Variants in PTPRQ observed in about 807,000 individuals in gnomAD.
PTPRQ encodes protein tyrosine phosphatase receptor type Q.
Under a neutral mutation model 246.0 loss-of-function variants are expected in PTPRQ, and 199 were observed. The ratio of observed to expected loss-of-function variants is 0.81; its 90% CI spans 0.72 to 0.91. The LOEUF (loss-of-function observed/expected upper bound fraction) is 0.91. Ranked by LOEUF, PTPRQ falls within the 40% of genes least tolerant of loss-of-function variation. PTPRQ has a pLI of 0.00. For synonymous variants in PTPRQ, 869 were observed against 853.2 expected (o/e 1.02, Z -0.32); for missense variants, 2,624 against 2,528.4 (o/e 1.04, Z -0.81).
Position 80,585,513 on chromosome 12 carries a change from G to A in PTPRQ, c.4286-2616G>A, listed in dbSNP as rs988354395. On this transcript the variant is annotated intron_variant, in intron 25 of 44. Coordinates refer to ENST00000644991, the MANE Select transcript of PTPRQ (RefSeq NM_001145026.2). Reference sequence around the variant, plus strand: ...GTAGCTAGAGTGATTCTGTGAAAGAGAGAGCCTGCCACTTCTCTGCTCAAA... The same window carrying A: ...GTAGCTAGAGTGATTCTGTGAAAGAAAGAGCCTGCCACTTCTCTGCTCAAA... 7.2e-5 allele frequency among the ~76,000 whole-genome samples: 11 copies of A among 152,082 alleles called. 1 individual carries two copies. Among genetic ancestry groups the A allele is most frequent in the African/African-American group, 2.7e-4 (11 of 41,364 alleles).
At chr12:80,600,907 A>G (rs973798402) in intron 26 of PTPRQ, among the ~76,000 whole-genome samples, 5 of 151,650 alleles carry the variant, frequency 3.3e-5, no homozygotes, top group African/African-American at 1.2e-4. Flanking sequence ...TCTCATTCCA[A>G]CTCAACTGGG....
intron 6 of PTPRQ, chr12:80,465,292 A>G (rs983714187): frequency 6.6e-6 from 1 of 152,268 alleles, no homozygotes; most frequent in Non-Finnish European, 1.5e-5. Flanking sequence ...ACACCCTCCC[A>G]AGACTAAACC....
chr12:80,620,494 T>C, intron 32 of PTPRQ, 118 bp downstream of exon 32: 1 of 1,394,896 alleles, frequency 7.2e-7, no homozygotes, highest in Non-Finnish European at 9.6e-7. Context: ...CCACGTATAG[T>C]GACCTGATTT....
At chr12:80,651,870 T>C (rs1394296715) in intron 37 of PTPRQ, among the ~76,000 whole-genome samples, 1 of 152,048 alleles carries the variant, frequency 6.6e-6, no homozygotes, top group African/African-American at 2.4e-5. Flanking sequence ...ACACCATTCC[T>C]GTCCCTTAAT....
intron 7 of PTPRQ, among the ~76,000 whole-genome samples, chr12:80,471,589 T>C (rs373735020): frequency 1.5e-5 from 1 of 65,200 alleles, no homozygotes; most frequent in East Asian, 3.7e-4. Context: ...GCCATTCTCC[T>C]GCCTCAGCCT....
At chr12:80,599,572 G>A (rs1414302184) in intron 26 of PTPRQ, among the ~76,000 whole-genome samples, 2 of 151,800 alleles carry the variant, frequency 1.3e-5, no homozygotes, top group Non-Finnish European at 2.9e-5. Flanking sequence ...CCACCCTTAT[G>A]TGACACTAGT....
At chr12:80,663,966 T>G (rs924703088) in intron 39 of PTPRQ, among the ~76,000 whole-genome samples, 1 of 152,040 alleles carries the variant, frequency 6.6e-6, no homozygotes, top group Admixed American at 6.6e-5. Context: ...CTTGCTCAGC[T>G]TGAACTGCAT....
intron 38 of PTPRQ, among the ~76,000 whole-genome samples, chr12:80,654,046 T>C (rs575541349): frequency 6.8e-6 from 1 of 147,670 alleles, no homozygotes; most frequent in South Asian, 2.1e-4. Context: ...TTTTCTTTCT[T>C]TCTTTTCTTT....
At chr12:80,477,834 C>G (rs980087493) in intron 8 of PTPRQ, among the ~76,000 whole-genome samples, 4 of 152,182 alleles carry the variant, frequency 2.6e-5, no homozygotes, top group Non-Finnish European at 4.4e-5. Flanking sequence ...GCTTAAAAAA[C>G]GGCGCACCAC....
chr12:80,636,069 A>G (rs1750208767), intron 35 of PTPRQ, among the ~76,000 whole-genome samples: 1 of 152,198 alleles, frequency 6.6e-6, no homozygotes, highest in Admixed American at 6.5e-5. Context: ...GTGTCATCTG[A>G]TAAGCAAAGT....
rs1900894928 is a variant in PTPRQ, at chr12:80,669,397, T to C, written c.6386T>C (p.Ile2129Thr). The change falls in exon 41 of 45, where the codon ATA becomes ACA. Residue 2129 changes from isoleucine (I) to threonine (T), a missense_variant. Transcript: ENST00000644991. ...DNKPVTVFGD[I>T]VITKLMEDVQ... ...AAGCCAGTTACTGTCTTTGGAGATATAGTGATTACAAAGCTAATGGAGGAT... is the reference window on the plus strand; with the variant it reads ...AAGCCAGTTACTGTCTTTGGAGATACAGTGATTACAAAGCTAATGGAGGAT... 2 of 1,549,912 alleles carry C rather than the reference T, an allele frequency of 1.3e-6. No homozygotes were observed. Among genetic ancestry groups the C allele is most frequent in the Non-Finnish European group, 8.7e-7 (1 of 1,146,028 alleles).
chr12:80,641,894 T>G (rs1899872541), intron 35 of PTPRQ, among the ~76,000 whole-genome samples: 1 of 151,736 alleles, frequency 6.6e-6, no homozygotes, highest in Non-Finnish European at 1.5e-5. Context: ...GCTCTCTCTC[T>G]CTCGCTCTCT....
At chr12:80,487,354 T>C (rs1314562898) in intron 9 of PTPRQ, among the ~76,000 whole-genome samples, 1 of 152,072 alleles carries the variant, frequency 6.6e-6, no homozygotes, top group African/African-American at 2.4e-5. Context: ...AGGGCACCCA[T>C]AAGGTCTGTC....
At position 80,619,366 on chromosome 12, in the gene PTPRQ, T is replaced by C; in HGVS notation, c.5231-18T>C. 1 of 1,544,374 alleles carries C rather than the reference T, an allele frequency of 6.5e-7. No individual in the cohort carries two copies. Among genetic ancestry groups the C allele is most frequent in the Non-Finnish European group, 8.7e-7 (1 of 1,142,926 alleles). On this transcript the variant is annotated intron_variant, in intron 30 of 44. Coordinates refer to ENST00000644991, the MANE Select transcript of PTPRQ (RefSeq NM_001145026.2). The stretch of plus-strand genomic sequence containing the variant: ...AACAATAACATCAATTGCAGTGATA[T>C]TTCTTCTTTGTTTATAGCTCCAGCA...
rs367714795 is a variant in PTPRQ, at chr12:80,460,088, C to A, written c.661-565C>A. On this transcript the variant is annotated intron_variant, in intron 5 of 44. Transcript: ENST00000644991. ...ATATGATAAGCATAATAATGCTTTT[C>A]CTAAAATCATTTTGGTAATCTCTGT... Among the ~76,000 whole-genome samples the A allele has an allele frequency of 4.6e-5, 7 of 152,116 alleles. No individual in the cohort carries two copies. In the East Asian group the frequency reaches 1.4e-3, roughly 29 times the overall value.
At chr12:80,628,662 G>A (rs956995415) in intron 33 of PTPRQ, among the ~76,000 whole-genome samples, 2 of 152,076 alleles carry the variant, frequency 1.3e-5, no homozygotes, top group Admixed American at 1.3e-4. Flanking sequence ...TCTGTGCCCA[G>A]TACATCTCTC....
intron 8 of PTPRQ, among the ~76,000 whole-genome samples, chr12:80,477,566 C>A (rs972683461): frequency 6.6e-6 from 1 of 152,120 alleles, no homozygotes; most frequent in African/African-American, 2.4e-5. Flanking sequence ...GTCTACAGCT[C>A]CCAGCGTGAA....
At chr12:80,519,842 G>T (rs1250723171) in intron 17 of PTPRQ, among the ~76,000 whole-genome samples, 2 of 152,100 alleles carry the variant, frequency 1.3e-5, no homozygotes, top group African/African-American at 4.8e-5. Context: ...GAAAGTTACT[G>T]AAATCAGTAT....
At chr12:80,461,684 C>G (rs952912999) in intron 6 of PTPRQ, among the ~76,000 whole-genome samples, 1 of 150,340 alleles carries the variant, frequency 6.7e-6, no homozygotes, top group Non-Finnish European at 1.5e-5. Context: ...TTGCTAATTT[C>G]TGAGGTATTG....
Sources: gnomAD v4.1 joint callset for allele counts (sites outside exome capture counted in the v4.1 genomes callset) on GRCh38, gnomAD v4.1.1 for gene constraint, MANE v1.5 for transcripts, NCBI Gene and HGNC (gene_info 2026-07-23, HGNC 2026-07-21) for gene names.